Variants in KLRG1 observed in about 807,000 individuals in gnomAD.
The protein encoded by KLRG1 is killer cell lectin like receptor G1.
KLRG1 carries 16 observed loss-of-function variants against 21.8 expected under a neutral mutation model. That is an observed-to-expected ratio of 0.73 (90% confidence interval 0.50 to 1.11). The LOEUF is 1.11. Among genes scored for constraint, KLRG1 ranks in the 50% most tolerant of loss-of-function variants. KLRG1 has a pLI of 0.00. For missense variants in KLRG1, 173 were observed against 218.3 expected, an observed-to-expected ratio of 0.79 and a Z score of 1.31; for synonymous variants, 69 against 75.9, an observed-to-expected ratio of 0.91 and a Z score of 0.47.
the KLRG1 span, among the ~76,000 whole-genome samples, chr12:9,016,940 G>T: frequency 6.6e-6 from 1 of 151,942 alleles, no homozygotes; most frequent in African/African-American, 2.4e-5. Context: ...AAATAGAAAA[G>T]GAGGGAATGC....
chr12:9,065,931 T>C, the KLRG1 span: 6 of 152,110 alleles, frequency 3.9e-5, no homozygotes, highest in African/African-American at 1.4e-4. Context: ...GAACACTCAA[T>C]GGGAAGACCT....
the KLRG1 span, chr12:9,076,936 G>A: frequency 6.3e-7 from 1 of 1,576,094 alleles, no homozygotes; most frequent in Non-Finnish European, 8.6e-7. Context: ...ACAACAGGGT[G>A]CTGTGAAGGC....
At chr12:9,159,901 C>T in the KLRG1 span, 10 of 1,535,342 alleles carry the variant, frequency 6.5e-6, no homozygotes, top group Non-Finnish European at 9.0e-6. Context: ...ACGTTCTGAA[C>T]TCATAGTTGA....
chr12:8,994,322 T>A (rs149839874), intron 2 of KLRG1, among the ~76,000 whole-genome samples: 2,727 of 152,260 alleles, frequency 0.018, 75 homozygotes, highest in African/African-American at 0.061. Flanking sequence ...TGCCTCGGCC[T>A]CCCAAAGTGC....
At chr12:9,072,603 A>T in the KLRG1 span, 1 of 1,596,140 alleles carries the variant, frequency 6.3e-7, no homozygotes, top group Non-Finnish European at 8.6e-7. Context: ...TCTCAGAGAG[A>T]ACAGCTGCTG....
At chr12:9,016,266 G>A in the KLRG1 span, among the ~76,000 whole-genome samples, 9 of 151,320 alleles carry the variant, frequency 5.9e-5, no homozygotes, top group South Asian at 2.1e-4. Flanking sequence ...GCCATACTAC[G>A]TAAGAAAAAA....
chr12:8,995,037 G>C, intron 2 of KLRG1, 82 bp from the exon 3 acceptor site: 1 of 1,303,160 alleles, frequency 7.7e-7, no homozygotes, highest in African/African-American at 1.5e-5. Context: ...ACCCAGGGCT[G>C]CCATATTCCA....
At chr12:9,179,244 T>C in the KLRG1 span, among the ~76,000 whole-genome samples, 1 of 152,202 alleles carries the variant, frequency 6.6e-6, no homozygotes, top group Non-Finnish European at 1.5e-5. Flanking sequence ...GATATCATTT[T>C]CTCCAAATGG....
the KLRG1 span, among the ~76,000 whole-genome samples, chr12:9,140,200 A>G: frequency 6.6e-6 from 1 of 152,216 alleles, no homozygotes; most frequent in Non-Finnish European, 1.5e-5. Context: ...TGATCCTGTC[A>G]GTTAAAAATC....
the KLRG1 span, chr12:9,154,495 A>G: frequency 2.0e-6 from 2 of 1,008,258 alleles, no homozygotes; most frequent in African/African-American, 3.3e-5. Context: ...GTCCTCAAAT[A>G]TTCCTAAATA....
At chr12:9,180,669 A>G in the KLRG1 span, among the ~76,000 whole-genome samples, 1 of 152,248 alleles carries the variant, frequency 6.6e-6, no homozygotes, top group African/African-American at 2.4e-5. Flanking sequence ...TTAAAGACTT[A>G]AATGTTAGAC....
At chr12:9,020,048 CATAT>C in the KLRG1 span, among the ~76,000 whole-genome samples, 1 of 135,640 alleles carries the variant, frequency 7.4e-6, no homozygotes, top group African/African-American at 2.8e-5. Flanking sequence ...TCTTTGTATA[CATAT>C]ATATATATAT....
the KLRG1 span, among the ~76,000 whole-genome samples, chr12:9,160,778 G>A: frequency 3.3e-5 from 5 of 152,194 alleles, no homozygotes; most frequent in Non-Finnish European, 7.4e-5. Flanking sequence ...AGCCGGGCGT[G>A]GTGGCGGGCG....
the KLRG1 span, among the ~76,000 whole-genome samples, chr12:9,043,928 C>A: frequency 6.6e-6 from 1 of 152,042 alleles, no homozygotes; most frequent in Admixed American, 6.5e-5. Flanking sequence ...AGAGAGAGAA[C>A]AAGCAGTCTC....
the KLRG1 span, chr12:9,080,036 TA>T: frequency 8.7e-7 from 1 of 1,143,356 alleles, no homozygotes; most frequent in Non-Finnish European, 1.2e-6. Flanking sequence ...TTATGGGAAA[TA>T]AAAATAGTAT....
chr12:8,975,479 T>C (rs755467055), intron 1 of KLRG1, among the ~76,000 whole-genome samples: 1 of 152,350 alleles, frequency 6.6e-6, no homozygotes, highest in Admixed American at 6.5e-5. Flanking sequence ...CTTATGACCC[T>C]TTCTATTTCT....
At chr12:9,192,266 A>T in the KLRG1 span, 1 of 1,613,454 alleles carries the variant, frequency 6.2e-7, no homozygotes, top group East Asian at 2.2e-5. Context: ...TCTGAAATGA[A>T]AAAACAGTGA....
chr12:9,163,557 T>G, the KLRG1 span: 1 of 1,244,618 alleles, frequency 8.0e-7, no homozygotes. Flanking sequence ...ATTCCATTAG[T>G]CTTACAGGAT....
At chr12:9,202,580 G>A in the KLRG1 span, 3 of 1,613,906 alleles carry the variant, frequency 1.9e-6, no homozygotes, top group Non-Finnish European at 2.5e-6. Context: ...CCAGACTTTG[G>A]GTGTTCAGTA....
Sources: gnomAD v4.1 joint callset for allele counts (sites outside exome capture counted in the v4.1 genomes callset) on GRCh38, gnomAD v4.1.1 for gene constraint, MANE v1.5 for transcripts, NCBI Gene and HGNC (gene_info 2026-07-23, HGNC 2026-07-21) for gene names.